The following DOCK1 variants were observed in gnomAD, a reference collection of about 807,000 sequenced individuals.
DOCK1 encodes the protein dedicator of cytokinesis 1.
A neutral mutation model predicts 262.7 loss-of-function variants in DOCK1; 138 were observed. The ratio of observed to expected loss-of-function variants is 0.53; its 90% CI spans 0.46 to 0.61. The LOEUF is 0.61. Among genes scored for constraint, DOCK1 ranks in the 20% least tolerant of loss-of-function variants. The pLI is 0.00. For synonymous variants in DOCK1, 866 were observed against 867.4 expected, an observed-to-expected ratio of 1.00 and a Z score of 0.03; for missense variants, 1,908 against 2,370.7, an observed-to-expected ratio of 0.80 and a Z score of 4.05.
At chr10:126,987,750 A>G in intron 5 of DOCK1, 133 bp downstream of exon 5, 1 of 876,422 alleles carries the variant, frequency 1.1e-6, no homozygotes. Flanking sequence ...TTTTACTCGG[A>G]ATTGGCAAAG....
At chr10:127,116,725 G>T (rs2049206329) in intron 25 of DOCK1, among the ~76,000 whole-genome samples, 1 of 152,124 alleles carries the variant, frequency 6.6e-6, no homozygotes, top group Non-Finnish European at 1.5e-5. Flanking sequence ...CTTAAACCTG[G>T]AGCTACTCTG....
intron 32 of DOCK1, among the ~76,000 whole-genome samples, chr10:127,359,899 G>A (rs1041802146): frequency 2.0e-5 from 3 of 152,108 alleles, no homozygotes; most frequent in Non-Finnish European, 4.4e-5. Context: ...GGTTAATTCG[G>A]GATACATTGC....
chr10:127,439,233 G>T lies in DOCK1; in HGVS notation c.5259+8G>T. On this transcript the variant is annotated splice_region_variant and intron_variant, in intron 49 of 51. Coordinates refer to ENST00000623213, the MANE Select transcript of DOCK1 (RefSeq NM_001290223.2). ...GTGATCCTTTCGGAAACGGTAACCC[G>T]ACAGGGTATCTTTCCTCGCTCTGCG... 2 of 1,604,374 alleles carry T rather than the reference G, an allele frequency of 1.2e-6. No individual in the cohort carries two copies. The highest frequency in any genetic ancestry group is 1.3e-5 in the African/African-American group (1 of 74,926).
intron 3 of DOCK1, among the ~76,000 whole-genome samples, chr10:126,978,584 G>A (rs143271386): frequency 8.4e-4 from 128 of 152,282 alleles, no homozygotes; most frequent in Non-Finnish European, 1.3e-3. Context: ...TAGCTTCATG[G>A]AACCTAATTA....
intron 27 of DOCK1, among the ~76,000 whole-genome samples, chr10:127,140,035 T>C (rs1278451795): frequency 6.6e-6 from 1 of 152,218 alleles, no homozygotes; most frequent in South Asian, 2.1e-4. Context: ...AGCGTAATTC[T>C]ACCAAGGTGC....
At chr10:127,137,797 G>C (rs762501732) in intron 27 of DOCK1, 15 of 1,559,338 alleles carry the variant, frequency 9.6e-6, no homozygotes, top group Non-Finnish European at 8.7e-7. Context: ...AACTCCAGTG[G>C]GTTCTAAAGA....
rs559057300 is a variant in DOCK1, at chr10:127,362,159, A to G, written c.3379A>G (p.Ile1127Val). 2.6e-5 allele frequency: 42 copies of G among 1,613,954 alleles called. No homozygotes were observed. The East Asian group carries it at 8.0e-4, about 31-fold the overall frequency. ...GGAGCTGCGCAAAGCCACCATCCCC[A>G]TCTTCTTTGATATGATGCAGTGTGA... Reference protein sequence around the residue: ...ETELRKATIPIFFDMMQCEFH... With the variant: ...ETELRKATIPVFFDMMQCEFH... Residue 1127 changes from isoleucine (I) to valine (V), a missense_variant, in exon 33 of 52, where the codon ATC (isoleucine) becomes GTC (valine). Ile to Val is a conservative substitution (Grantham distance 29). Transcript: ENST00000623213.
rs1056009352 is a variant in DOCK1 at position 126,951,753 on chromosome 10, C to G, written c.47-18949C>G. On this transcript the variant is annotated intron_variant, in intron 1 of 51. Transcript: ENST00000623213. ...CAGAAGACCTAAGGACTTCCTAGAA[C>G]TAAATCAAATGGAAACACGCTGTGA... is the stretch of plus-strand genomic sequence containing the variant. 3.0e-4 allele frequency among the ~76,000 whole-genome samples: 46 copies of G among 151,878 alleles called. 1 individual carries two copies. The highest frequency in any genetic ancestry group is 6.0e-4 in the Non-Finnish European group (41 of 67,966).
intron 29 of DOCK1, among the ~76,000 whole-genome samples, chr10:127,281,497 G>A (rs758391898): frequency 2.0e-5 from 3 of 152,172 alleles, no homozygotes; most frequent in Non-Finnish European, 2.9e-5. Flanking sequence ...GGCATCAGGA[G>A]GGAAGTCTTT....
At chr10:127,197,829 A>G (rs537943833) in intron 27 of DOCK1, among the ~76,000 whole-genome samples, 15 of 152,136 alleles carry the variant, frequency 9.9e-5, no homozygotes, top group Non-Finnish European at 2.2e-4. Flanking sequence ...TTTTTTATAA[A>G]TGACTTTATA....
intron 13 of DOCK1, among the ~76,000 whole-genome samples, chr10:127,020,490 A>G (rs2042335805): frequency 6.6e-6 from 1 of 151,878 alleles, no homozygotes; most frequent in Non-Finnish European, 1.5e-5. Context: ...TCCCTGGAGC[A>G]CAGGAGGTCA....
intron 15 of DOCK1, chr10:127,025,381 G>A (rs2042760075): frequency 1.3e-5 from 2 of 152,168 alleles, no homozygotes; most frequent in Non-Finnish European, 2.9e-5. Context: ...TGGCGCAGCT[G>A]TGGGCAGGTC....
Position 126,977,885 on chromosome 10 carries a change from A to G in DOCK1, c.131-63A>G. 3 of 1,502,724 alleles carry G rather than the reference A, an allele frequency of 2.0e-6. No individual in the cohort carries two copies. The South Asian group carries it at 3.4e-5, about 17-fold the overall frequency. 93.1% of individuals were successfully genotyped at this position (1,502,724 alleles called of 1,614,324 possible). The stretch of plus-strand genomic sequence containing the variant: ...AAACAGTGAGTTCTACACATCATGA[A>G]TGTATTGTGAGGACCCTAACATGTC... On this transcript the variant is annotated intron_variant, in intron 2 of 51. Transcript: ENST00000623213.
At chr10:127,267,804 C>G (rs1283554292) in intron 29 of DOCK1, among the ~76,000 whole-genome samples, 1 of 152,134 alleles carries the variant, frequency 6.6e-6, no homozygotes, top group African/African-American at 2.4e-5. Context: ...CCTCCCGGTC[C>G]TCTCATGCTA....
chr10:127,446,754 C>T lies in DOCK1; in HGVS notation c.5414-640C>T. Among the ~76,000 whole-genome samples the T allele has an allele frequency of 6.6e-6, 1 of 151,938 alleles. No individual in the cohort carries two copies. On this transcript the variant is annotated intron_variant, in intron 50 of 51. Coordinates refer to ENST00000623213, the MANE Select transcript of DOCK1 (RefSeq NM_001290223.2). This position sits in a 1 kb window ranked among gnomAD's most constrained non-coding sequence, Gnocchi z 4.4. ...CAACAAGGTTTGAGAAAATATCCTG[C>T]CTTAATGATTATTCCTCCGTTTGAA...
chr10:127,175,519 G>T lies in DOCK1; in HGVS notation c.2847+47755G>T, dbSNP rs748875288. 45 of 1,609,496 alleles carry T rather than the reference G, an allele frequency of 2.8e-5. No homozygotes were observed. The African/African-American group carries it at 4.4e-4, about 16-fold the overall frequency. On this transcript the variant is annotated intron_variant, in intron 27 of 51. Transcript: ENST00000623213. This position sits in a 1 kb window ranked among gnomAD's most constrained non-coding sequence, Gnocchi z 6.3. ...GAGGGCGCCTGGAGCCCGTTGAGATGTGTGGCTCTCCTCCGCTCGTCATCT... is the reference window on the plus strand; with the variant it reads ...GAGGGCGCCTGGAGCCCGTTGAGATTTGTGGCTCTCCTCCGCTCGTCATCT...
chr10:127,232,079 T>C (rs10829607), intron 27 of DOCK1, among the ~76,000 whole-genome samples: 41,245 of 151,672 alleles, frequency 0.27, 5,922 homozygotes, highest in South Asian at 0.41. Flanking sequence ...GTGAGCCAGG[T>C]GGTCAGCTGG....
chr10:127,445,155 T>A (rs2070452951), intron 50 of DOCK1, among the ~76,000 whole-genome samples: 1 of 152,088 alleles, frequency 6.6e-6, no homozygotes, highest in Non-Finnish European at 1.5e-5. Flanking sequence ...GGCAGACAGC[T>A]TTTCACCACT....
chr10:127,208,539 A>G lies in DOCK1; in HGVS notation c.2848-39469A>G, dbSNP rs1417846535. ...CTGTAACCATATGAAAAATGATTAT[A>G]TATTAGCTTAACATGAGTTTTTTCA... On this transcript the variant is annotated intron_variant, in intron 27 of 51. Transcript: ENST00000623213. Among the ~76,000 whole-genome samples, 6 of 152,230 alleles carry G rather than the reference A, an allele frequency of 3.9e-5. No homozygotes were observed. The East Asian group carries it at 1.2e-3, about 29-fold the overall frequency.
Sources: allele counts gnomAD v4.1 joint callset (sites outside exome capture counted in the v4.1 genomes callset), GRCh38; gene constraint gnomAD v4.1.1; non-coding constraint Gnocchi (gnomAD v3.1); transcripts MANE v1.5; gene names NCBI Gene and HGNC (gene_info 2026-07-23, HGNC 2026-07-21).